ERBB4: variants seen among roughly 807,000 people sequenced by gnomAD.
The protein encoded by ERBB4 is erb-b2 receptor tyrosine kinase 4.
A neutral mutation model predicts 158.0 loss-of-function variants in ERBB4; 42 were observed. The observed-to-expected ratio is 0.27, with a 90% CI of 0.21 to 0.34. The LOEUF (loss-of-function observed/expected upper bound fraction) is 0.34, where lower values mean the gene tolerates loss of function less well. Among genes scored for constraint, ERBB4 ranks in the 10% least tolerant of loss-of-function variants. ERBB4 has a pLI of 1.00. For missense variants in ERBB4, 1,333 were observed against 1,624.1 expected (o/e 0.82, Z 3.08); for synonymous variants, 583 against 558.7 (o/e 1.04, Z -0.61).
intron 2 of ERBB4, among the ~76,000 whole-genome samples, chr2:211,970,702 G>C (rs1012524632): frequency 2.0e-5 from 3 of 151,978 alleles, no homozygotes; most frequent in Admixed American, 2.0e-4. Context: ...TGCAACCCCT[G>C]CCTTTTTTCT....
At chr2:212,505,088 CTTTT>C (rs1691116664) in intron 1 of ERBB4, among the ~76,000 whole-genome samples, 1 of 151,802 alleles carries the variant, frequency 6.6e-6, no homozygotes, top group South Asian at 2.1e-4. Flanking sequence ...GTTTTTGTTT[CTTTT>C]GTTTGTTTGG....
chr2:212,257,272 T>A (rs2084772365), intron 1 of ERBB4, among the ~76,000 whole-genome samples: 1 of 152,194 alleles, frequency 6.6e-6, no homozygotes. Flanking sequence ...ATTTTCACTA[T>A]GCTTTAGGTG....
At chr2:211,393,036 T>C (rs2062835717) in intron 25 of ERBB4, among the ~76,000 whole-genome samples, 1 of 152,132 alleles carries the variant, frequency 6.6e-6, no homozygotes, top group Non-Finnish European at 1.5e-5. Context: ...AATTAAAAAA[T>C]TGAACAAATG....
intron 1 of ERBB4, among the ~76,000 whole-genome samples, chr2:212,326,632 T>G (rs896562431): frequency 6.6e-6 from 1 of 150,806 alleles, no homozygotes; most frequent in Non-Finnish European, 1.5e-5. Context: ...TATATAAACA[T>G]AGACGCCCTC....
At chr2:212,032,231 G>A (rs769159929) in intron 2 of ERBB4, among the ~76,000 whole-genome samples, 87 of 152,170 alleles carry the variant, frequency 5.7e-4, no homozygotes, top group Non-Finnish European at 1.1e-3. Flanking sequence ...GTAATTGGAA[G>A]TGACACTGTA....
chr2:212,051,538 C>T (rs1276557209), intron 2 of ERBB4, among the ~76,000 whole-genome samples: 1 of 152,094 alleles, frequency 6.6e-6, no homozygotes, highest in East Asian at 1.9e-4. Flanking sequence ...CATGAGATTA[C>T]TTCTTACAGG....
chr2:212,443,051 T>C (rs965782384), intron 1 of ERBB4, among the ~76,000 whole-genome samples: 1 of 152,222 alleles, frequency 6.6e-6, no homozygotes, highest in Non-Finnish European at 1.5e-5. Context: ...TTAACACATC[T>C]CCTGGTACCT....
chr2:211,590,368 A>C (rs1415580355), intron 19 of ERBB4, among the ~76,000 whole-genome samples: 2 of 152,220 alleles, frequency 1.3e-5, no homozygotes. Context: ...AAGATTAGAA[A>C]TTATGGTTTA....
intron 1 of ERBB4, among the ~76,000 whole-genome samples, chr2:212,179,555 G>T (rs1291564924): frequency 1.3e-5 from 2 of 151,540 alleles, no homozygotes; most frequent in South Asian, 4.1e-4. Context: ...ACCATGGGTT[G>T]TTGGGTGTGA....
intron 2 of ERBB4, among the ~76,000 whole-genome samples, chr2:211,989,228 T>G (rs2082010317): frequency 6.6e-6 from 1 of 151,942 alleles, no homozygotes; most frequent in Non-Finnish European, 1.5e-5. Flanking sequence ...CTTTACTGTG[T>G]CTTCTTGCAA....
intron 12 of ERBB4, among the ~76,000 whole-genome samples, chr2:211,691,161 C>A (rs993147084): frequency 6.6e-6 from 1 of 152,092 alleles, no homozygotes; most frequent in Non-Finnish European, 1.5e-5. Context: ...TAGTGGTCAT[C>A]ATAGTTAAGG....
intron 1 of ERBB4, among the ~76,000 whole-genome samples, chr2:212,292,762 T>C (rs1222498022): frequency 1.3e-5 from 2 of 152,098 alleles, no homozygotes; most frequent in Non-Finnish European, 2.9e-5. Context: ...TTTAGCCTAG[T>C]AGACATTTTG....
chr2:211,415,274 G>A (rs1038902027), intron 25 of ERBB4, among the ~76,000 whole-genome samples: 682 of 146,962 alleles, frequency 4.6e-3, no homozygotes, highest in East Asian at 0.014. Context: ...CCGCCACCAC[G>A]CCCGGCTAAT....
intron 7 of ERBB4, among the ~76,000 whole-genome samples, chr2:211,721,909 C>T (rs1215837047): frequency 6.6e-6 from 1 of 152,120 alleles, no homozygotes; most frequent in Non-Finnish European, 1.5e-5. Flanking sequence ...GTCACCCAGG[C>T]TGGAGTACAG....
chr2:212,076,290 GA>G (rs1483578244), intron 2 of ERBB4, among the ~76,000 whole-genome samples: 2 of 151,702 alleles, frequency 1.3e-5, no homozygotes, highest in Admixed American at 6.6e-5. Context: ...TTATTTATTT[GA>G]CAATTATCTT....
intron 3 of ERBB4, among the ~76,000 whole-genome samples, chr2:211,846,232 G>A (rs2106016852): frequency 6.6e-6 from 1 of 152,080 alleles, no homozygotes; most frequent in Admixed American, 6.6e-5. Flanking sequence ...TTTAGCAGCT[G>A]CCCAGCTTCT....
chr2:212,403,865 C>T (rs1329271043), intron 1 of ERBB4, among the ~76,000 whole-genome samples: 2 of 151,952 alleles, frequency 1.3e-5, no homozygotes, highest in East Asian at 3.9e-4. Flanking sequence ...GTTCTTACTA[C>T]AATAAAATAA....
chr2:211,952,103 T>C (rs2080889586), intron 2 of ERBB4, among the ~76,000 whole-genome samples: 1 of 151,976 alleles, frequency 6.6e-6, no homozygotes, highest in African/African-American at 2.4e-5. Context: ...TTAAAAAGAG[T>C]TACAGGAGAT....
chr2:212,364,109 T>C (rs749988101), intron 1 of ERBB4, among the ~76,000 whole-genome samples: 15 of 151,770 alleles, frequency 9.9e-5, no homozygotes, highest in Non-Finnish European at 1.6e-4. Flanking sequence ...AATTCTGGGC[T>C]GCAACTTTCC....
Sources: gnomAD v4.1 joint callset for allele counts (sites outside exome capture counted in the v4.1 genomes callset) on GRCh38, gnomAD v4.1.1 for gene constraint, MANE v1.5 for transcripts, NCBI Gene and HGNC (gene_info 2026-07-23, HGNC 2026-07-21) for gene names.